The following PCDH20 variants were observed in gnomAD, a reference collection of about 807,000 sequenced individuals.
PCDH20 encodes the protein protocadherin 20.
In PCDH20, 18 loss-of-function variants were observed where a neutral mutation model predicts 39.7. The ratio of observed to expected loss-of-function variants is 0.45; its 90% CI spans 0.31 to 0.67. The LOEUF (loss-of-function observed/expected upper bound fraction) is 0.67. Among genes scored for constraint, PCDH20 ranks in the 30% least tolerant of loss-of-function variants. PCDH20 has a pLI of 0.05. For missense variants in PCDH20, 1,161 were observed against 1,167.4 expected (o/e 0.99, Z 0.08); for synonymous variants, 495 against 455.4 (o/e 1.09, Z -1.11).
chr13:61,413,081 C>G (rs181751845), exon 2 of PCDH20: 4 of 1,614,090 alleles, frequency 2.5e-6, no homozygotes, highest in Admixed American at 1.7e-5. Flanking sequence ...TGGACAGCTG[C>G]AATTGGGGTG....
exon 2 of PCDH20, chr13:61,411,122 A>T: frequency 1.2e-6 from 1 of 841,430 alleles, no homozygotes; most frequent in South Asian, 1.8e-5. Context: ...GCTATTTACA[A>T]TATAGAACAA....
At chr13:61,414,247 C>T (rs1871487263) in intron 1 of PCDH20, among the ~76,000 whole-genome samples, 1 of 152,020 alleles carries the variant, frequency 6.6e-6, no homozygotes, top group African/African-American at 2.4e-5. Flanking sequence ...CATTCAGAAT[C>T]CCAAACCGTA....
upstream of PCDH20, chr13:61,415,813 G>T (rs1398307487): frequency 6.6e-6 from 1 of 152,226 alleles, no homozygotes; most frequent in African/African-American, 2.4e-5. Context: ...GCTTCTGCTA[G>T]TTTCCTAGTT....
exon 2 of PCDH20, chr13:61,413,948 G>A: frequency 1.9e-6 from 3 of 1,607,656 alleles, no homozygotes; most frequent in Middle Eastern, 1.7e-4. Flanking sequence ...CCCACGAAGA[G>A]GAAAAACAGA....
rs1224107990 is a variant in PCDH20 at position 61,410,921 on chromosome 13, T to C, written c.*322A>G. 3 of 180,816 alleles carry C rather than the reference T, an allele frequency of 1.7e-5. No individual in the cohort carries two copies. In the East Asian group the frequency reaches 4.4e-4, roughly 26 times the overall value. The allele number at this position is 180,816 out of a possible 1,614,324, so 11.2% of individuals were successfully genotyped here. On this transcript the variant is annotated 3_prime_UTR_variant, in exon 2 of 2. Coordinates refer to ENST00000409204, the Ensembl canonical transcript of PCDH20. ...GGTGACAGGAATTTTTAGATAAAAA[T>C]TTGTTCCATTTTTCTTACCTTACTC...
intron 1 of PCDH20, 129 bp downstream of exon 1, chr13:61,414,898 C>G (rs1248341719): frequency 4.4e-6 from 5 of 1,147,890 alleles, no homozygotes; most frequent in Non-Finnish European, 5.7e-6. Flanking sequence ...AACTCCCTTT[C>G]CCTCCCGGCG....
At chr13:61,411,839 C>A in exon 2 of PCDH20, 1 of 1,614,058 alleles carries the variant, frequency 6.2e-7, no homozygotes, top group Non-Finnish European at 8.5e-7. Context: ...GAAGGCAGTA[C>A]TAACAGATAA....
exon 2 of PCDH20, chr13:61,411,326 T>A (rs1878240582): frequency 6.2e-7 from 1 of 1,613,988 alleles, no homozygotes; most frequent in South Asian, 1.1e-5. Context: ...ACTTCCAAAT[T>A]TTCATCTTCC....
chr13:61,415,220 G>A lies in PCDH20; in HGVS notation c.-62C>T. The A allele has an allele frequency of 7.7e-7, 1 of 1,296,918 alleles. No individual in the cohort carries two copies. Among genetic ancestry groups the A allele is most frequent in the Non-Finnish European group, 9.9e-7 (1 of 1,011,336 alleles). 80.3% of individuals were successfully genotyped at this position (1,296,918 alleles called of 1,614,324 possible). A position where few individuals can be genotyped will look rare whatever the true frequency, so the allele number is the denominator to read the frequency against. On this transcript the variant is annotated 5_prime_UTR_variant, in exon 1 of 2. An upstream open reading frame in the 5' UTR gains an earlier in-frame stop. Coordinates refer to ENST00000409204, the Ensembl canonical transcript of PCDH20. Reference sequence around the variant, plus strand: ...AGGGCGGCAGAAGACACTCCCTCTCGGTTCATGCAAATCGCTGGGGGAACT... The same window carrying A: ...AGGGCGGCAGAAGACACTCCCTCTCAGTTCATGCAAATCGCTGGGGGAACT...
chr13:61,413,117 T>C, exon 2 of PCDH20: 1 of 1,614,154 alleles, frequency 6.2e-7, no homozygotes, highest in South Asian at 1.1e-5. Flanking sequence ...CCATACACAG[T>C]GACATTGATT....
chr13:61,412,308 C>T (rs1436032926), exon 2 of PCDH20: 35 of 1,613,870 alleles, frequency 2.2e-5, no homozygotes, highest in East Asian at 4.5e-5. Flanking sequence ...CTTCTCGGTC[C>T]AGCTGAGTAG....
exon 2 of PCDH20, chr13:61,413,753 G>A (rs750532210): frequency 5.6e-6 from 9 of 1,613,856 alleles, no homozygotes; most frequent in Non-Finnish European, 7.6e-6. Flanking sequence ...AAGGAGAGAG[G>A]GGGGTTCCAC....
chr13:61,413,178 G>A (rs1052166305), exon 2 of PCDH20: 2 of 1,613,968 alleles, frequency 1.2e-6, no homozygotes, highest in African/African-American at 2.7e-5. Flanking sequence ...TGATGCCAAT[G>A]GTGAGAGTGG....
intron 1 of PCDH20, among the ~76,000 whole-genome samples, chr13:61,414,213 C>T (rs936505360): frequency 6.6e-6 from 1 of 152,028 alleles, no homozygotes; most frequent in Non-Finnish European, 1.5e-5. Context: ...CCTCGTTTCC[C>T]CATCACCACC....
rs375934951 is a variant in PCDH20 at position 61,414,979 on chromosome 13, A to G, written c.132+48T>C. The G allele has an allele frequency of 1.5e-5, 20 of 1,358,858 alleles. No individual in the cohort carries two copies. The African/African-American group carries it at 2.4e-4, about 16-fold the overall frequency. The allele number at this position is 1,358,858 out of a possible 1,614,324, so 84.2% of individuals were successfully genotyped here. Reference sequence around the variant, plus strand: ...CCATCCGAGTGGGAATTGCTTCACAATACTGCAACTTGTCGGGGTCGCGGG... The same window carrying G: ...CCATCCGAGTGGGAATTGCTTCACAGTACTGCAACTTGTCGGGGTCGCGGG... On this transcript the variant is annotated intron_variant, in intron 1 of 1. Coordinates refer to ENST00000409204, the Ensembl canonical transcript of PCDH20.
chr13:61,411,204 C>A, exon 2 of PCDH20: 2 of 1,528,478 alleles, frequency 1.3e-6, no homozygotes, highest in South Asian at 2.5e-5. Flanking sequence ...GATCCAAAGT[C>A]AGTTAAAACA....
rs1439512150 is a variant in PCDH20 at position 61,413,140 on chromosome 13, AAG to A, written c.957_958del (p.Phe320HisfsTer27). 1 of 1,614,122 alleles carries A rather than the reference AAG, an allele frequency of 6.2e-7. No individual in the cohort carries two copies. The highest frequency in any genetic ancestry group is 1.7e-5 in the Admixed American group (1 of 60,010). ...AGTGACATTGATTTGTGAGTCTGTG[AAG>A]AGAGGGCAATTGTCATTAATGTCAC... On this transcript the variant is annotated frameshift_variant, in exon 2 of 2. Coordinates refer to ENST00000409204, the Ensembl canonical transcript of PCDH20. LOFTEE classifies it high-confidence loss of function.
chr13:61,411,356 T>C (rs746799450), exon 2 of PCDH20: 1 of 1,614,156 alleles, frequency 6.2e-7, no homozygotes, highest in East Asian at 2.2e-5. Flanking sequence ...TTTTCCCCTT[T>C]CCTTAAACAG....
chr13:61,412,652 A>G lies in PCDH20; in HGVS notation c.1447T>C (p.Tyr483His), dbSNP rs769433500. Residue 483 changes from tyrosine to histidine, a missense_variant, in exon 2 of 2, where the codon TAC becomes CAC. By Grantham distance (83) the Tyr-to-His change is moderately conservative. Coordinates refer to ENST00000409204, the Ensembl canonical transcript of PCDH20. ...GTCTCTAGTAAATATTCATTATTGT[A>G]TGGTTTGTAAGGTGATAACCTAAAC... 2.5e-6 allele frequency: 4 copies of G among 1,613,466 alleles called. No individual in the cohort carries two copies. In the African/African-American group the frequency reaches 4.0e-5, roughly 16 times the overall value.
Sources: gnomAD v4.1 joint callset for allele counts (sites outside exome capture counted in the v4.1 genomes callset) on GRCh38, gnomAD v4.1.1 for gene constraint, MANE v1.5 for transcripts, NCBI Gene and HGNC (gene_info 2026-07-23, HGNC 2026-07-21) for gene names.